The following CHEK1 variants were observed in gnomAD, a reference collection of about 807,000 sequenced individuals.
CHEK1 encodes the protein serine/threonine-protein kinase Chk1.
A neutral mutation model predicts 60.2 loss-of-function variants in CHEK1; 32 were observed. The ratio of observed to expected loss-of-function variants is 0.53; its 90% CI spans 0.40 to 0.71. The LOEUF (loss-of-function observed/expected upper bound fraction) is 0.71. Ranked by LOEUF, CHEK1 falls within the 30% of genes least tolerant of loss-of-function variation. CHEK1 has a pLI of 0.00. For missense variants in CHEK1, 399 were observed against 564.6 expected (o/e 0.71, Z 2.97); for synonymous variants, 179 against 187.2 (o/e 0.96, Z 0.36).
downstream of CHEK1, among the ~76,000 whole-genome samples, chr11:125,660,569 T>C (rs1941993968): frequency 6.6e-6 from 1 of 152,040 alleles, no homozygotes; most frequent in Admixed American, 6.6e-5. Flanking sequence ...ACTATTTCCT[T>C]AGGTTATATA....
downstream of CHEK1, among the ~76,000 whole-genome samples, chr11:125,660,697 C>A (rs1157899655): frequency 6.6e-6 from 1 of 151,720 alleles, no homozygotes; most frequent in Non-Finnish European, 1.5e-5. Flanking sequence ...TTAATCTAGC[C>A]CCACTTGCTT....
intron 8 of CHEK1, 130 bp from the exon 9 acceptor site, chr11:125,643,662 C>G (rs1941387428): frequency 3.1e-6 from 2 of 643,350 alleles, no homozygotes; most frequent in Non-Finnish European, 5.2e-6. Flanking sequence ...TGTTTTATAT[C>G]TTACAAAAAT....
Position 125,626,824 on chromosome 11 carries a change from C to A in CHEK1, c.56C>A (p.Ala19Asp). ...TTGGTGCAAACCCTGGGAGAAGGTG[C>A]CTATGGAGAGTGAGTTCTTTTAAGC... ...WDLVQTLGEG[A>D]YGEVQLAVNR... The change falls in exon 2 of 13, where the codon GCC becomes GAC. Residue 19 changes from alanine to aspartate, a missense_variant. Around this residue, in one of 2 missense-constraint regions of CHEK1, gnomAD observed 370 missense variants for 494.8 expected, o/e 0.75. Transcript: ENST00000438015. 1 of 1,613,962 alleles carries A rather than the reference C, an allele frequency of 6.2e-7. No individual in the cohort carries two copies. Among genetic ancestry groups the A allele is most frequent in the Non-Finnish European group, 8.5e-7 (1 of 1,179,982 alleles).
chr11:125,680,590 G>T (rs939907192), downstream of CHEK1: 6 of 726,174 alleles, frequency 8.3e-6, no homozygotes, highest in African/African-American at 1.1e-4. Flanking sequence ...AGCTCTCCGA[G>T]TTGGACTTGT....
chr11:125,635,709 GA>G, intron 7 of CHEK1, 176 bp downstream of exon 7: 1 of 405,668 alleles, frequency 2.5e-6, no homozygotes, highest in Non-Finnish European at 4.4e-6. Flanking sequence ...TTTAGTCCCA[GA>G]ACTCTGCAAT....
At position 125,626,778 on chromosome 11, in the gene CHEK1, C is replaced by T. The variant is rs201459198; in HGVS notation, c.10C>T (p.Pro4Ser). MAVPFVEDWDLVQT... is the reference protein window; with the variant it reads MAVSFVEDWDLVQT... ...GGTGCTCGGTGGAGTCATGGCAGTG[C>T]CCTTTGTGGAAGACTGGGACTTGGT... The change falls in exon 2 of 13, where the codon CCC (proline) becomes TCC (serine). Residue 4 changes from proline to serine, a missense_variant. Coordinates refer to ENST00000438015, the MANE Select transcript of CHEK1 (RefSeq NM_001114122.3). 1.1e-5 allele frequency: 17 copies of T among 1,613,890 alleles called. No individual in the cohort carries two copies. The highest frequency in any genetic ancestry group is 1.4e-5 in the Non-Finnish European group (16 of 1,180,008).
chr11:125,674,070 G>A lies in CHEK1; in HGVS notation c.*28-1858G>A, dbSNP rs191155802. ...GGAGGGTGAGGCAGGAGAATCGCTG[G>A]GGGGCAGAGGTTGCAGTGAGCTGAG... On this transcript the variant is annotated intron_variant, in intron 13 of 13. Coordinates refer to the CHEK1 transcript ENST00000428830. Among the ~76,000 whole-genome samples the A allele has an allele frequency of 2.0e-3, 309 of 152,188 alleles. 1 individual carries two copies. The highest frequency in any genetic ancestry group is 3.7e-3 in the Non-Finnish European group (253 of 68,020).
At chr11:125,629,982 C>T (rs371681148) in intron 5 of CHEK1, among the ~76,000 whole-genome samples, 6 of 151,846 alleles carry the variant, frequency 4.0e-5, no homozygotes, top group African/African-American at 1.5e-4. Flanking sequence ...CCTTAGCCTC[C>T]CAGAGTGTTG....
chr11:125,625,655 T>C lies in CHEK1; in HGVS notation c.-378T>C, dbSNP rs1028887035. 15 of 600,820 alleles carry C rather than the reference T, an allele frequency of 2.5e-5. No individual in the cohort carries two copies. Among genetic ancestry groups the C allele is most frequent in the African/African-American group, 1.3e-4 (7 of 54,030 alleles). 37.2% of individuals were successfully genotyped at this position (600,820 alleles called of 1,614,324 possible). Reference sequence around the variant, plus strand: ...CGCAGCGCGGTCGGTCGCGCGCCCCTGAGGCTTGGAGGCCTGGGCTTCCCC... The same window carrying C: ...CGCAGCGCGGTCGGTCGCGCGCCCCCGAGGCTTGGAGGCCTGGGCTTCCCC... On this transcript the variant is annotated 5_prime_UTR_variant, in exon 1 of 13. Transcript: ENST00000438015.
chr11:125,663,243 A>G (rs1175600416), intron 13 of CHEK1, among the ~76,000 whole-genome samples: 1 of 151,874 alleles, frequency 6.6e-6, no homozygotes, highest in Non-Finnish European at 1.5e-5. Flanking sequence ...CAGTTTACCA[A>G]TTTTTTCTTA....
chr11:125,680,239 G>C (rs189893116), downstream of CHEK1, among the ~76,000 whole-genome samples: 8 of 152,314 alleles, frequency 5.3e-5, no homozygotes, highest in Non-Finnish European at 1.0e-4. Context: ...CAAAAGAAGA[G>C]ATGATACAGA....
chr11:125,652,717 A>C (rs1941782341), intron 11 of CHEK1, among the ~76,000 whole-genome samples: 1 of 152,156 alleles, frequency 6.6e-6, no homozygotes, highest in Non-Finnish European at 1.5e-5. Flanking sequence ...CAATAATTGT[A>C]ATGTATTCAT....
chr11:125,648,872 A>AT (rs1260027706), intron 11 of CHEK1, among the ~76,000 whole-genome samples: 5 of 151,792 alleles, frequency 3.3e-5, no homozygotes, highest in African/African-American at 9.7e-5. Context: ...AATCATGTGG[A>AT]TTTTTTTTCC....
chr11:125,659,680 A>T (rs1010944316), downstream of CHEK1, among the ~76,000 whole-genome samples: 10 of 152,100 alleles, frequency 6.6e-5, no homozygotes, highest in Non-Finnish European at 1.2e-4. Flanking sequence ...GTTTTTATTT[A>T]AAAAATGTTT....
At chr11:125,679,212 C>CTT (rs1337479067), downstream of CHEK1, among the ~76,000 whole-genome samples, 1 of 74,418 alleles carries the variant, frequency 1.3e-5, no homozygotes, top group African/African-American at 4.6e-5. Flanking sequence ...TAATCCGTCT[C>CTT]TTTCTTTTTT....
downstream of CHEK1, among the ~76,000 whole-genome samples, chr11:125,677,441 A>G (rs555964746): frequency 2.6e-4 from 39 of 152,370 alleles, no homozygotes; most frequent in African/African-American, 8.7e-4. Flanking sequence ...AGGCAGGGTT[A>G]GCATAAAGCT....
chr11:125,672,418 A>T, intron 13 of CHEK1: 3 of 711,092 alleles, frequency 4.2e-6, no homozygotes, highest in Non-Finnish European at 6.8e-6. Flanking sequence ...GACAGAGAAG[A>T]ATGGATAAAA....
chr11:125,662,129 T>C (rs551658349), downstream of CHEK1, among the ~76,000 whole-genome samples: 1 of 152,330 alleles, frequency 6.6e-6, no homozygotes, highest in South Asian at 2.1e-4. Context: ...CTGTTTAGGC[T>C]TCTAGAACAA....
intron 11 of CHEK1, among the ~76,000 whole-genome samples, chr11:125,645,338 G>A (rs192805261): frequency 7.2e-5 from 11 of 152,082 alleles, no homozygotes; most frequent in East Asian, 3.9e-4. Flanking sequence ...GATTGCACCC[G>A]TCAATTTTTA....
Sources: allele counts gnomAD v4.1 joint callset (sites outside exome capture counted in the v4.1 genomes callset), GRCh38; gene constraint gnomAD v4.1.1; regional missense constraint gnomAD v4.1.1; transcripts MANE v1.5; gene names NCBI Gene and HGNC (gene_info 2026-07-23, HGNC 2026-07-21).